The following LZTS1 variants were observed in gnomAD, a reference collection of about 807,000 sequenced individuals.
LZTS1 encodes the protein leucine zipper tumor suppressor 1, also known as leucine zipper putative tumor suppressor 1.
In LZTS1, 31 loss-of-function variants were observed where a neutral mutation model predicts 45.8. The ratio of observed to expected loss-of-function variants is 0.68; its 90% CI spans 0.51 to 0.91. LZTS1 has a LOEUF of 0.91. Among genes scored for constraint, LZTS1 ranks in the 40% least tolerant of loss-of-function variants. The pLI, the probability that LZTS1 is intolerant of heterozygous loss-of-function variation, is 0.00. For synonymous variants in LZTS1, 359 were observed against 357.3 expected (o/e 1.00, Z -0.05); for missense variants, 821 against 788.9 (o/e 1.04, Z -0.49).
intron 1 of LZTS1, among the ~76,000 whole-genome samples, chr8:20,271,566 C>G (rs1447448768): frequency 2.0e-5 from 3 of 152,194 alleles, no homozygotes; most frequent in Non-Finnish European, 2.9e-5. Flanking sequence ...TTCTGAACCT[C>G]CTTGCCCTTC....
chr8:20,295,885 C>G (rs1289885958), intron 1 of LZTS1, among the ~76,000 whole-genome samples: 1 of 152,138 alleles, frequency 6.6e-6, no homozygotes, highest in Non-Finnish European at 1.5e-5. Flanking sequence ...CTGGGGTCAC[C>G]AGGGAAAGGT....
intron 1 of LZTS1, among the ~76,000 whole-genome samples, chr8:20,292,805 G>T (rs1051873007): frequency 6.6e-6 from 1 of 152,212 alleles, no homozygotes; most frequent in East Asian, 1.9e-4. Context: ...TTAGTAGAAA[G>T]AGCCCTGATG....
Position 20,294,916 on chromosome 8 carries a change from A to G in LZTS1, c.-135+8824T>C, listed in dbSNP as rs1409965541. Among the ~76,000 whole-genome samples the G allele has an allele frequency of 4.6e-5, 7 of 151,684 alleles. 1 individual carries two copies. In the East Asian group the frequency reaches 1.2e-3, roughly 26 times the overall value. ...AGGGCTCATCCCCATATCCCTCAAG[A>G]GTCTCCCCATCTCCCTAGCTAGGGA... On this transcript the variant is annotated intron_variant, in intron 1 of 3. Coordinates refer to ENST00000381569, the MANE Select transcript of LZTS1 (RefSeq NM_021020.5).
At chr8:20,264,350 C>T (rs775514788) in intron 1 of LZTS1, among the ~76,000 whole-genome samples, 1 of 152,122 alleles carries the variant, frequency 6.6e-6, no homozygotes, top group Non-Finnish European at 1.5e-5. Flanking sequence ...TATTTTTCCA[C>T]GTATGAAAGC....
rs371710417 is a variant in LZTS1, at chr8:20,300,420, C to T, written c.-135+3320G>A. ...TGATCTCGGCTCACTGCAAGCTCCC[C>T]CTCCCGGGTTCACGCCATTCTCCTG... On this transcript the variant is annotated intron_variant, in intron 1 of 3. Transcript: ENST00000381569. 8.5e-5 allele frequency among the ~76,000 whole-genome samples: 13 copies of T among 152,156 alleles called. No homozygotes were observed. The East Asian group carries it at 1.7e-3, about 20-fold the overall frequency.
intron 1 of LZTS1, among the ~76,000 whole-genome samples, chr8:20,265,231 G>A (rs1033612371): frequency 3.9e-5 from 6 of 152,246 alleles, no homozygotes; most frequent in African/African-American, 1.4e-4. Context: ...CCACGCCTTC[G>A]CTTTTTCATG....
chr8:20,251,133 ATATATATATATATAT>A, intron 3 of LZTS1, among the ~76,000 whole-genome samples: 1 of 107,126 alleles, frequency 9.3e-6, no homozygotes, highest in Non-Finnish European at 1.9e-5. Context: ...ATATATATAT[ATATATATATATATAT>A]AAAATATAAA....
At chr8:20,270,874 G>A (rs1800459972) in intron 1 of LZTS1, among the ~76,000 whole-genome samples, 1 of 151,474 alleles carries the variant, frequency 6.6e-6, no homozygotes, top group Non-Finnish European at 1.5e-5. Context: ...GGGAGACCTG[G>A]TTGATTTCAC....
intron 3 of LZTS1, 41 bp from the exon 4 acceptor site, chr8:20,250,404 T>A (rs545600946): frequency 1.0e-5 from 16 of 1,529,160 alleles, no homozygotes; most frequent in Non-Finnish European, 1.4e-5. Context: ...AAGAGGTGAG[T>A]GTCCTTACCC....
chr8:20,303,823 G>T lies in LZTS1; in HGVS notation c.-218C>A. 1.0e-6 allele frequency: 1 copy of T among 983,036 alleles called. No individual in the cohort carries two copies. The highest frequency in any genetic ancestry group is 1.2e-6 in the Non-Finnish European group (1 of 829,260). 60.9% of individuals were successfully genotyped at this position (983,036 alleles called of 1,614,324 possible). On this transcript the variant is annotated 5_prime_UTR_variant, in exon 1 of 4. Transcript: ENST00000381569. ...GTGTTCCCGTCTCTCTTTTTCCAGA[G>T]CTGCTGAGCGGGCCGGGCCGGTCCC...
chr8:20,252,607 C>T (rs990337412), intron 3 of LZTS1, among the ~76,000 whole-genome samples, 175 bp downstream of exon 3: 3 of 152,190 alleles, frequency 2.0e-5, no homozygotes, highest in East Asian at 1.9e-4. Context: ...AGATGTAAGT[C>T]GATCCCCCAA....
chr8:20,285,766 A>G (rs1800782842), intron 1 of LZTS1, among the ~76,000 whole-genome samples: 1 of 152,260 alleles, frequency 6.6e-6, no homozygotes, highest in African/African-American at 2.4e-5. Context: ...TGGAGGGTGT[A>G]TATCAGCAGA....
rs902918634 is a variant in LZTS1, at chr8:20,249,563, G to T, written c.*159C>A. 1.2e-6 allele frequency: 1 copy of T among 851,286 alleles called. No homozygotes were observed. The allele number at this position is 851,286 out of a possible 1,614,324, so 52.7% of individuals were successfully genotyped here. On this transcript the variant is annotated 3_prime_UTR_variant, in exon 4 of 4. Transcript: ENST00000381569. The stretch of plus-strand genomic sequence containing the variant: ...TGGTGAGCACTGGGACATCAGAGAG[G>T]GAAGGAAAGGCCATCCTGCCCTCCC...
chr8:20,296,715 G>A lies in LZTS1; in HGVS notation c.-135+7025C>T, dbSNP rs538059329. Among the ~76,000 whole-genome samples the A allele has an allele frequency of 3.9e-5, 6 of 152,174 alleles. No individual in the cohort carries two copies. The South Asian group carries it at 6.2e-4, about 16-fold the overall frequency. On this transcript the variant is annotated intron_variant, in intron 1 of 3. Coordinates refer to ENST00000381569, the MANE Select transcript of LZTS1 (RefSeq NM_021020.5). ...TGTGTGTGCGTGTGTATGTGTGTAT[G>A]TGTGCGTGTGTGCATGTGTGTGCAT...
chr8:20,251,377 G>A (rs565973009), intron 3 of LZTS1, among the ~76,000 whole-genome samples: 21 of 151,786 alleles, frequency 1.4e-4, no homozygotes, highest in Non-Finnish European at 2.1e-4. Flanking sequence ...GGGTAGGGTC[G>A]GATTTTCTCC....
chr8:20,275,864 G>A (rs1424438466), intron 1 of LZTS1: 1 of 152,224 alleles, frequency 6.6e-6, no homozygotes, highest in African/African-American at 2.4e-5. Flanking sequence ...CACGTGCCGG[G>A]GTGAACTGTT....
chr8:20,288,178 C>T, intron 1 of LZTS1, among the ~76,000 whole-genome samples: 1 of 152,176 alleles, frequency 6.6e-6, no homozygotes, highest in Non-Finnish European at 1.5e-5. Context: ...CAGAGCTTGT[C>T]TTCCCACTGT....
At chr8:20,265,463 C>T (rs902057389) in intron 1 of LZTS1, among the ~76,000 whole-genome samples, 11 of 151,806 alleles carry the variant, frequency 7.2e-5, no homozygotes, top group Middle Eastern at 3.4e-3. Flanking sequence ...GTCAGGAGTT[C>T]GAGACCAGCC....
At chr8:20,298,630 A>G (rs1248736849) in intron 1 of LZTS1, among the ~76,000 whole-genome samples, 2 of 152,156 alleles carry the variant, frequency 1.3e-5, no homozygotes, top group African/African-American at 4.8e-5. Flanking sequence ...TGGGAAGCCA[A>G]AGTGGGAGGA....
Sources: gnomAD v4.1 joint callset for allele counts (sites outside exome capture counted in the v4.1 genomes callset) on GRCh38, gnomAD v4.1.1 for gene constraint, MANE v1.5 for transcripts, NCBI Gene and HGNC (gene_info 2026-07-23, HGNC 2026-07-21) for gene names.